Variants in MYH10 observed in about 807,000 individuals in gnomAD.
MYH10 encodes the protein myosin-10.
Under a neutral mutation model 257.8 loss-of-function variants are expected in MYH10, and 55 were observed. That is an observed-to-expected ratio of 0.21 (90% CI 0.17 to 0.27). MYH10 has a LOEUF of 0.27. Ranked by LOEUF, MYH10 falls within the 10% of genes least tolerant of loss-of-function variation. The pLI, the probability that MYH10 is intolerant of heterozygous loss-of-function variation, is 1.00. For synonymous variants in MYH10, 854 were observed against 921.7 expected (o/e 0.93, Z 1.33); for missense variants, 1,631 against 2,500.6 (o/e 0.65, Z 7.42).
Position 8,530,694 on chromosome 17 carries a change from G to T in MYH10, c.1895-9C>A. ...CTGAATATTCTGAATCTCTAAAGCA[G>T]AGAAACAGCAAAAACAGGACAGAAG... On this transcript the variant is annotated splice_polypyrimidine_tract_variant and intron_variant, in intron 16 of 42. Transcript: ENST00000360416. 6.5e-7 allele frequency: 1 copy of T among 1,545,962 alleles called. No homozygotes were observed. Among genetic ancestry groups the T allele is most frequent in the South Asian group, 1.2e-5 (1 of 83,270 alleles).
intron 36 of MYH10, among the ~76,000 whole-genome samples, chr17:8,486,541 T>C (rs1477975195): frequency 4.5e-4 from 36 of 79,570 alleles, no homozygotes; most frequent in African/African-American, 1.8e-3. Flanking sequence ...TATATTTAGC[T>C]TCAAAAAAAA....
chr17:8,606,253 A>G (rs899228403), intron 2 of MYH10, among the ~76,000 whole-genome samples: 2 of 152,192 alleles, frequency 1.3e-5, no homozygotes, highest in African/African-American at 4.8e-5. Flanking sequence ...TTAAATGTAG[A>G]CAGAATGATT....
At chr17:8,614,741 G>T (rs941552715) in intron 2 of MYH10, among the ~76,000 whole-genome samples, 1 of 152,134 alleles carries the variant, frequency 6.6e-6, no homozygotes, top group African/African-American at 2.4e-5. Flanking sequence ...TACTTAGAAT[G>T]AAATTTATGG....
chr17:8,495,094 A>C (rs763607182), intron 31 of MYH10, 43 bp downstream of exon 31: 1 of 1,191,034 alleles, frequency 8.4e-7, no homozygotes, highest in South Asian at 1.2e-5. Flanking sequence ...TATATTACAG[A>C]AATGTTAGTT....
intron 3 of MYH10, among the ~76,000 whole-genome samples, chr17:8,591,145 C>T (rs1219336896): frequency 2.0e-5 from 3 of 152,056 alleles, no homozygotes; most frequent in Non-Finnish European, 4.4e-5. Flanking sequence ...GTGCTGGGAT[C>T]ACAGGCATGA....
chr17:8,563,786 A>G (rs2083072180), intron 7 of MYH10, among the ~76,000 whole-genome samples: 1 of 152,256 alleles, frequency 6.6e-6, no homozygotes, highest in South Asian at 2.1e-4. Flanking sequence ...CCAAACTGTA[A>G]GGAGGATGCC....
intron 21 of MYH10, among the ~76,000 whole-genome samples, chr17:8,515,021 C>T (rs1372756739): frequency 2.0e-5 from 3 of 152,128 alleles, no homozygotes; most frequent in Non-Finnish European, 2.9e-5. Context: ...CACACGGCTG[C>T]GCTCCCACCT....
At chr17:8,570,390 G>A (rs889824104) in intron 6 of MYH10, among the ~76,000 whole-genome samples, 1 of 152,056 alleles carries the variant, frequency 6.6e-6, no homozygotes, top group Non-Finnish European at 1.5e-5. Flanking sequence ...GAGAGGATTC[G>A]GTAAAATGTC....
Position 8,504,958 on chromosome 17 carries a change from CT to C in MYH10, c.3387-53del. The C allele has an allele frequency of 6.6e-7, 1 of 1,524,068 alleles. No homozygotes were observed. The highest frequency in any genetic ancestry group is 9.1e-7 in the Non-Finnish European group (1 of 1,101,234). 94.4% of individuals were successfully genotyped at this position (1,524,068 alleles called of 1,614,324 possible). A position where few individuals can be genotyped will look rare whatever the true frequency, so the allele number is the denominator to read the frequency against. Reference sequence around the variant, plus strand: ...CACTCAGAGATGGCACCCGGATGGCCTGTTTCTCAGGCGAGCCCCAGCCCCT... The same window carrying C: ...CACTCAGAGATGGCACCCGGATGGCCGTTTCTCAGGCGAGCCCCAGCCCCT... On this transcript the variant is annotated intron_variant, in intron 27 of 42. Transcript: ENST00000360416. This position sits in a 1 kb window ranked among gnomAD's most constrained non-coding sequence, Gnocchi z 5.6.
chr17:8,480,247 T>C lies in MYH10; in HGVS notation c.5460A>G (p.Gln1820=), dbSNP rs760331051. The change falls in exon 40 of 43, where the codon CAA becomes CAG. Residue 1820 remains glutamine (Q), a synonymous_variant. Coordinates refer to ENST00000360416, the MANE Select transcript of MYH10 (RefSeq NM_001256012.3). ...AAQKSDNARQ[Q]LERQNKELKA... ...TCAGCTCCTTGTTCTGCCGCTCCAG[T>C]TGCTGGCGTGCATTGTCACTCTTCT... 1 of 1,614,114 alleles carries C rather than the reference T, an allele frequency of 6.2e-7. No homozygotes were observed. The highest frequency in any genetic ancestry group is 1.7e-5 in the Admixed American group (1 of 60,028).
In MYH10 at chr17:8,480,392, C is replaced by T. The variant is rs1913511643; in HGVS notation, c.5388+10G>A. On this transcript the variant is annotated intron_variant, in intron 39 of 42. Transcript: ENST00000360416. The stretch of plus-strand genomic sequence containing the variant: ...GCCCTCCCTGGGTGACGGGCTCCTG[C>T]ATGGGCCACCTGTAGAGTGGTCTTG... The T allele has an allele frequency of 6.2e-7, 1 of 1,613,242 alleles. No individual in the cohort carries two copies. Among genetic ancestry groups the T allele is most frequent in the African/African-American group, 1.3e-5 (1 of 74,916 alleles).
intron 7 of MYH10, among the ~76,000 whole-genome samples, chr17:8,555,267 G>T (rs1207677434): frequency 1.3e-5 from 2 of 152,164 alleles, no homozygotes; most frequent in Non-Finnish European, 2.9e-5. Flanking sequence ...GGATTGGAGG[G>T]CTTCCTTTGA....
intron 2 of MYH10, among the ~76,000 whole-genome samples, chr17:8,605,524 T>A (rs1464277571): frequency 6.6e-6 from 1 of 152,120 alleles, no homozygotes; most frequent in Non-Finnish European, 1.5e-5. Context: ...GGAGGGTGGA[T>A]CACAAGGTCA....
At chr17:8,608,425 A>C (rs2084893475) in intron 2 of MYH10, among the ~76,000 whole-genome samples, 2 of 152,238 alleles carry the variant, frequency 1.3e-5, no homozygotes, top group Admixed American at 1.3e-4. Context: ...GACCGAAGTC[A>C]AAGAGGACTC....
intron 21 of MYH10, among the ~76,000 whole-genome samples, chr17:8,515,683 C>T (rs1330594879): frequency 6.6e-6 from 1 of 151,760 alleles, no homozygotes. Flanking sequence ...GCTGGGACTA[C>T]AGGTGTGCAC....
At position 8,506,648 on chromosome 17, in the gene MYH10, C is replaced by T. The variant is rs2081082357; in HGVS notation, c.3215-159G>A. 1.3e-5 allele frequency among the ~76,000 whole-genome samples: 2 copies of T among 148,430 alleles called. No individual in the cohort carries two copies. ...CATGCGCTGATGTCAACTGCTCAGTCATTTCAAACCCACCGAGATCTGGAG... is the reference window on the plus strand; with the variant it reads ...CATGCGCTGATGTCAACTGCTCAGTTATTTCAAACCCACCGAGATCTGGAG... On this transcript the variant is annotated intron_variant, in intron 26 of 42. Coordinates refer to ENST00000360416, the MANE Select transcript of MYH10 (RefSeq NM_001256012.3). This position sits in a 1 kb window ranked among gnomAD's most constrained non-coding sequence, Gnocchi z 5.0.
rs760564508 is a variant in MYH10, at chr17:8,500,809, G to A, written c.3744+17C>T. 1.2e-5 allele frequency: 19 copies of A among 1,610,052 alleles called. No homozygotes were observed. Among genetic ancestry groups the A allele is most frequent in the Middle Eastern group, 2.1e-4 (1 of 4,798 alleles). On this transcript the variant is annotated intron_variant, in intron 29 of 42. Coordinates refer to ENST00000360416, the MANE Select transcript of MYH10 (RefSeq NM_001256012.3). ...AGACTTTCTCCAGGCCACAGCACAC[G>A]GCAGGGCCTCCCTTACCCGCTTGGC...
chr17:8,521,446 G>A (rs758972427), intron 17 of MYH10, 161 bp from the exon 18 acceptor site: 9 of 677,680 alleles, frequency 1.3e-5, no homozygotes, highest in Admixed American at 2.7e-5. Context: ...TGCACAAGCC[G>A]GGAACTAACA....
intron 6 of MYH10, among the ~76,000 whole-genome samples, chr17:8,574,886 C>T (rs1329242779): frequency 6.6e-6 from 1 of 152,212 alleles, no homozygotes; most frequent in Non-Finnish European, 1.5e-5. Context: ...TTGAATGGTA[C>T]CCTTCCACGG....
Sources: gnomAD v4.1 joint callset for allele counts (sites outside exome capture counted in the v4.1 genomes callset) on GRCh38, gnomAD v4.1.1 for gene constraint, Gnocchi (gnomAD v3.1) non-coding constraint, MANE v1.5 for transcripts, NCBI Gene and HGNC (gene_info 2026-07-23, HGNC 2026-07-21) for gene names.